Variants in KDELR2 observed in about 807,000 individuals in gnomAD.
KDELR2 encodes KDEL endoplasmic reticulum protein retention receptor 2.
In KDELR2, 15 loss-of-function variants were observed where a neutral mutation model predicts 23.9. The ratio of observed to expected loss-of-function variants is 0.63; its 90% confidence interval spans 0.42 to 0.97. The LOEUF (loss-of-function observed/expected upper bound fraction) is 0.97. Ranked by LOEUF, KDELR2 falls within the 50% of genes least tolerant of loss-of-function variation. The pLI, the probability that KDELR2 is intolerant of heterozygous loss-of-function variation, is 0.00. For missense variants in KDELR2, 272 were observed against 254.6 expected, an observed-to-expected ratio of 1.07 and a Z score of -0.46; for synonymous variants, 119 against 106.2, an observed-to-expected ratio of 1.12 and a Z score of -0.74.
At chr7:6,466,571 T>C (rs192760241) in intron 3 of KDELR2, among the ~76,000 whole-genome samples, 181 of 152,202 alleles carry the variant, frequency 1.2e-3, no homozygotes, top group African/African-American at 4.1e-3. Flanking sequence ...TTCGGGATGA[T>C]TCAAGCACAT....
chr7:6,475,617 C>T (rs1308751937), intron 1 of KDELR2, among the ~76,000 whole-genome samples: 1 of 152,216 alleles, frequency 6.6e-6, no homozygotes. Context: ...CTGCATGGCA[C>T]AGCCACACTC....
intron 4 of KDELR2, among the ~76,000 whole-genome samples, chr7:6,464,920 G>C (rs915147667): frequency 6.6e-6 from 1 of 151,738 alleles, no homozygotes; most frequent in South Asian, 2.1e-4. Context: ...ATTTTTAGTA[G>C]AGATGGGGTT....
intron 4 of KDELR2, among the ~76,000 whole-genome samples, chr7:6,463,601 G>GTGGTGGCATGCACC (rs1180019986): frequency 6.6e-6 from 1 of 151,936 alleles, no homozygotes; most frequent in African/African-American, 2.4e-5. Context: ...AGAACCAGGT[G>GTGGTGGCATGCACC]TGGTGGCATG....
Position 6,484,118 on chromosome 7 carries a change from G to GGCGGCGGCCCCTGAGAGGAA in KDELR2, c.-81_-62dup, listed in dbSNP as rs1785982314. 2.0e-5 allele frequency: 24 copies of GGCGGCGGCCCCTGAGAGGAA among 1,228,690 alleles called. No individual in the cohort carries two copies. In the South Asian group the frequency reaches 3.9e-4, roughly 20 times the overall value. 76.1% of individuals were successfully genotyped at this position (1,228,690 alleles called of 1,614,324 possible). A position where few individuals can be genotyped will look rare whatever the true frequency, so the allele number is the denominator to read the frequency against. On this transcript the variant is annotated 5_prime_UTR_variant, in exon 1 of 5. Transcript: ENST00000258739. Reference sequence around the variant, plus strand: ...GGCCCCGGGGCTGGGCGGCTCAGGAGGCGGCGGCCCCTGAGAGGAAGCGGC... The same window carrying GGCGGCGGCCCCTGAGAGGAA: ...GGCCCCGGGGCTGGGCGGCTCAGGAGGCGGCGGCCCCTGAGAGGAAGCGGCGGCCCCTGAGAGGAAGCGGC...
chr7:6,473,033 G>A (rs978155639), intron 2 of KDELR2, among the ~76,000 whole-genome samples: 2 of 148,524 alleles, frequency 1.3e-5, no homozygotes, highest in Non-Finnish European at 1.5e-5. Context: ...TTACCCTCCT[G>A]AGTAGTTGGG....
At chr7:6,473,095 TTTTTTTTTTA>T (rs1362235294) in intron 2 of KDELR2, among the ~76,000 whole-genome samples, 5 of 145,726 alleles carry the variant, frequency 3.4e-5, no homozygotes, top group African/African-American at 1.3e-4. Context: ...TTTTTTTTTT[TTTTTTTTTTA>T]GAGACAGGGG....
At position 6,469,552 on chromosome 7, in the gene KDELR2, G is replaced by A. The variant is rs769600577; in HGVS notation, c.351+44C>T. The A allele has an allele frequency of 3.2e-6, 5 of 1,587,108 alleles. No individual in the cohort carries two copies. The South Asian group carries it at 5.6e-5, about 18-fold the overall frequency. On this transcript the variant is annotated intron_variant, in intron 3 of 4. Coordinates refer to ENST00000258739, the MANE Select transcript of KDELR2 (RefSeq NM_006854.4). ...GCCTCCCAAAATGCTGGGATTACAGGCATGAGCCACCATGCCTGGCCCTAA... is the reference window on the plus strand; with the variant it reads ...GCCTCCCAAAATGCTGGGATTACAGACATGAGCCACCATGCCTGGCCCTAA...
rs1270154681 is a variant in KDELR2 at position 6,462,038 on chromosome 7, T to C, written c.*1103A>G. 6.6e-6 allele frequency: 1 copy of C among 152,180 alleles called. No homozygotes were observed. The highest frequency in any genetic ancestry group is 2.4e-5 in the African/African-American group (1 of 41,444). The allele number at this position is 152,180 out of a possible 1,614,324, so 9.4% of individuals were successfully genotyped here. On this transcript the variant is annotated 3_prime_UTR_variant, in exon 5 of 5. Transcript: ENST00000258739. Reference sequence around the variant, plus strand: ...AAGACAATTTATTCCATGTTTAATATAGTGTTTTTTAGGATGGTAACATAA... The same window carrying C: ...AAGACAATTTATTCCATGTTTAATACAGTGTTTTTTAGGATGGTAACATAA...
At chr7:6,469,459 G>A (rs1785580014) in intron 3 of KDELR2, 137 bp downstream of exon 3, 1 of 720,432 alleles carries the variant, frequency 1.4e-6, no homozygotes, top group African/African-American at 1.8e-5. Context: ...GTTGCACCAT[G>A]TTGGCCAGGC....
intron 2 of KDELR2, 192 bp downstream of exon 2, chr7:6,473,992 G>C: frequency 2.3e-6 from 1 of 439,976 alleles, no homozygotes; most frequent in Non-Finnish European, 4.0e-6. Context: ...AACCAAAAAT[G>C]TATGCTTACT....
At chr7:6,471,832 G>GT (rs2115328038) in intron 2 of KDELR2, among the ~76,000 whole-genome samples, 1 of 152,182 alleles carries the variant, frequency 6.6e-6, no homozygotes, top group Admixed American at 6.5e-5. Flanking sequence ...TTGTGTGAAT[G>GT]TAAGTTTTCA....
At chr7:6,463,413 G>C (rs900432778) in intron 4 of KDELR2, among the ~76,000 whole-genome samples, 1 of 152,068 alleles carries the variant, frequency 6.6e-6, no homozygotes, top group Non-Finnish European at 1.5e-5. Flanking sequence ...AGCTTATGTA[G>C]GGAGGCCTAT....
intron 1 of KDELR2, among the ~76,000 whole-genome samples, chr7:6,474,622 G>A (rs1785717881): frequency 6.6e-6 from 1 of 152,118 alleles, no homozygotes; most frequent in Non-Finnish European, 1.5e-5. Context: ...CAATAATTCT[G>A]CTGTCATTTA....
rs750322704 is a variant in KDELR2, at chr7:6,474,231, G to C, written c.145C>G (p.Leu49Val). ...LFALVFTTRY[L>V]DLFTSFISLY... ...GAAATAAATGAAGTAAAAAGATCCA[G>C]GTAACGAGTTGTGAAGACCAGTGCA... The change falls in exon 2 of 5, where the codon CTG (leucine) becomes GTG (valine). Residue 49 changes from leucine (L) to valine (V), a missense_variant. Transcript: ENST00000258739. 3.7e-6 allele frequency: 6 copies of C among 1,613,776 alleles called. No homozygotes were observed. Among genetic ancestry groups the C allele is most frequent in the African/African-American group, 1.3e-5 (1 of 74,924 alleles).
At chr7:6,469,875 G>T in intron 2 of KDELR2, 121 bp from the exon 3 acceptor site, 1 of 858,860 alleles carries the variant, frequency 1.2e-6, no homozygotes, top group Non-Finnish European at 1.7e-6. Context: ...TTTGTTTTTG[G>T]AATTTTAAAA....
intron 4 of KDELR2, among the ~76,000 whole-genome samples, chr7:6,464,701 G>C (rs1785463149): frequency 6.7e-6 from 1 of 149,784 alleles, no homozygotes; most frequent in South Asian, 2.1e-4. Flanking sequence ...AAAAACAAAA[G>C]GAAAGAGATA....
At chr7:6,479,063 A>C (rs1785822076) in intron 1 of KDELR2, among the ~76,000 whole-genome samples, 1 of 152,136 alleles carries the variant, frequency 6.6e-6, no homozygotes. Flanking sequence ...TGCTGGAATT[A>C]CAGGTGTAAG....
rs112027717 is a variant in KDELR2, at chr7:6,463,119, T to C, written c.*22A>G. On this transcript the variant is annotated 3_prime_UTR_variant, in exon 5 of 5. Coordinates refer to ENST00000258739, the MANE Select transcript of KDELR2 (RefSeq NM_006854.4). Reference sequence around the variant, plus strand: ...CTGTCCGAGCACCCTGAAGGACAGATGCTGGTGATGGTCTTTGGCACTTAT... The same window carrying C: ...CTGTCCGAGCACCCTGAAGGACAGACGCTGGTGATGGTCTTTGGCACTTAT... 34 of 1,614,172 alleles carry C rather than the reference T, an allele frequency of 2.1e-5. No individual in the cohort carries two copies. The highest frequency in any genetic ancestry group is 2.0e-4 in the African/African-American group (15 of 75,054).
chr7:6,466,820 T>G (rs904285479), intron 3 of KDELR2, among the ~76,000 whole-genome samples: 1 of 151,958 alleles, frequency 6.6e-6, no homozygotes, highest in East Asian at 1.9e-4. Context: ...CCTATGAGAA[T>G]TGAATGCTGC....
Sources: allele counts gnomAD v4.1 joint callset (sites outside exome capture counted in the v4.1 genomes callset), GRCh38; gene constraint gnomAD v4.1.1; transcripts MANE v1.5; gene names NCBI Gene and HGNC (gene_info 2026-07-23, HGNC 2026-07-21).